Variants in PLCL2 observed in about 807,000 individuals in gnomAD.
PLCL2 encodes the protein phospholipase C like 2.
Under a neutral mutation model 79.6 loss-of-function variants are expected in PLCL2, and 4 were observed. The observed-to-expected ratio is 0.05, with a 90% CI of 0.02 to 0.11. The LOEUF (loss-of-function observed/expected upper bound fraction) is 0.11. Among genes scored for constraint, PLCL2 ranks in the 10% least tolerant of loss-of-function variants. The pLI, the probability that PLCL2 is intolerant of heterozygous loss-of-function variation, is 1.00. For synonymous variants in PLCL2, 484 were observed against 457.7 expected (o/e 1.06, Z -0.73); for missense variants, 895 against 1,291.0 (o/e 0.69, Z 4.70).
At chr3:16,987,630 A>T (rs1458711832) in intron 1 of PLCL2, among the ~76,000 whole-genome samples, 1 of 152,146 alleles carries the variant, frequency 6.6e-6, no homozygotes, top group African/African-American at 2.4e-5. Flanking sequence ...ACTAAATAAG[A>T]TTCAAAATAT....
intron 5 of PLCL2, among the ~76,000 whole-genome samples, chr3:17,084,499 C>T (rs1168037469): frequency 6.6e-6 from 1 of 152,184 alleles, no homozygotes; most frequent in Non-Finnish European, 1.5e-5. Context: ...AGACCAGTAT[C>T]TCTCATCAAC....
At chr3:17,027,490 A>G (rs993806866) in intron 3 of PLCL2, among the ~76,000 whole-genome samples, 1 of 152,192 alleles carries the variant, frequency 6.6e-6, no homozygotes, top group Non-Finnish European at 1.5e-5. Flanking sequence ...GCAGCCTACA[A>G]TGTTTACTGT....
chr3:16,972,688 A>G (rs1026413601), intron 1 of PLCL2, among the ~76,000 whole-genome samples: 2 of 152,116 alleles, frequency 1.3e-5, no homozygotes, highest in Non-Finnish European at 2.9e-5. Flanking sequence ...TGTTGGGTGC[A>G]TATATATTTA....
intron 1 of PLCL2, among the ~76,000 whole-genome samples, chr3:16,973,625 C>T (rs1353722466): frequency 2.0e-5 from 3 of 152,126 alleles, no homozygotes; most frequent in Admixed American, 1.3e-4. Flanking sequence ...ACAGTGTGAT[C>T]AGGAAGAATC....
chr3:16,940,648 T>TTAAAA (rs533344775), intron 1 of PLCL2, among the ~76,000 whole-genome samples: 24 of 151,926 alleles, frequency 1.6e-4, no homozygotes, highest in South Asian at 6.2e-4. Context: ...GTTGGAAAAA[T>TTAAAA]TAAAATAAAA....
chr3:16,969,726 G>A (rs6781611), intron 1 of PLCL2, among the ~76,000 whole-genome samples: 91,277 of 151,644 alleles, frequency 0.6, 27,928 homozygotes, highest in African/African-American at 0.71. Flanking sequence ...TATGTTTTTC[G>A]TGTCTCATTT....
chr3:16,959,744 T>C (rs1441035), intron 1 of PLCL2, among the ~76,000 whole-genome samples: 91,387 of 152,066 alleles, frequency 0.6, 27,933 homozygotes, highest in African/African-American at 0.71. Flanking sequence ...CATCTGTGTT[T>C]AGAACTTTTT....
At chr3:17,050,764 C>T (rs926292705) in intron 4 of PLCL2, among the ~76,000 whole-genome samples, 27 of 152,214 alleles carry the variant, frequency 1.8e-4, no homozygotes, top group Admixed American at 1.8e-3. Context: ...AAAAATAGAG[C>T]TACCATATGA....
rs2065254486 is a variant in PLCL2, at chr3:17,089,726, G to A, written c.3205-7G>A. 1 of 1,559,108 alleles carries A rather than the reference G, an allele frequency of 6.4e-7. No homozygotes were observed. Among genetic ancestry groups the A allele is most frequent in the East Asian group, 2.2e-5 (1 of 44,556 alleles). On this transcript the variant is annotated splice_polypyrimidine_tract_variant and splice_region_variant and intron_variant, in intron 5 of 5. Transcript: ENST00000615277. ...CTAATACTGTTTAATTGCATGTTTT[G>A]TTATAGGGACAAGCAGATCTTTTGA...
chr3:16,919,956 T>C (rs1437511463), intron 1 of PLCL2, among the ~76,000 whole-genome samples: 1 of 152,204 alleles, frequency 6.6e-6, no homozygotes, highest in Non-Finnish European at 1.5e-5. Flanking sequence ...TATCCATATA[T>C]ATACCACATA....
intron 1 of PLCL2, among the ~76,000 whole-genome samples, chr3:17,005,070 G>T (rs2064247851): frequency 6.6e-6 from 1 of 152,020 alleles, no homozygotes; most frequent in Admixed American, 6.6e-5. Context: ...ATTGAATCTG[G>T]ATATTGAAAC....
At chr3:16,929,233 A>C (rs1171144472) in intron 1 of PLCL2, among the ~76,000 whole-genome samples, 1 of 152,028 alleles carries the variant, frequency 6.6e-6, no homozygotes, top group African/African-American at 2.4e-5. Flanking sequence ...GAGGAAAGAA[A>C]CTGCTCTGCA....
chr3:17,018,248 G>A (rs1341296746), intron 3 of PLCL2, among the ~76,000 whole-genome samples: 2 of 152,118 alleles, frequency 1.3e-5, no homozygotes, highest in African/African-American at 4.8e-5. Context: ...CCAATGGTGA[G>A]CAAGGGCCCT....
At position 16,928,716 on chromosome 3, in the gene PLCL2, T is replaced by C. The variant is rs140904702; in HGVS notation, c.327+43350T>C. Among the ~76,000 whole-genome samples the C allele has an allele frequency of 5.3e-3, 802 of 152,350 alleles. 7 individuals carry two copies. The highest frequency in any genetic ancestry group is 0.018 in the African/African-American group (747 of 41,582). ...GGCTCAATTTATAAAAGCAGTATAA[T>C]TGTAAAGCCTACTTCATCTACTTGT... On this transcript the variant is annotated intron_variant, in intron 1 of 5. Coordinates refer to ENST00000615277, the MANE Select transcript of PLCL2 (RefSeq NM_001144382.2).
At chr3:16,926,296 C>A (rs1234689080) in intron 1 of PLCL2, among the ~76,000 whole-genome samples, 1 of 152,132 alleles carries the variant, frequency 6.6e-6, no homozygotes, top group Non-Finnish European at 1.5e-5. Context: ...CAAGGGCTGG[C>A]TTTACTACTT....
Position 16,947,078 on chromosome 3 carries a change from C to T in PLCL2, c.327+61712C>T, listed in dbSNP as rs2063609340. Among the ~76,000 whole-genome samples, 4 of 150,870 alleles carry T rather than the reference C, an allele frequency of 2.7e-5. No homozygotes were observed. The South Asian group carries it at 8.4e-4, about 32-fold the overall frequency. ...TCAGGTGATCCTCCCACCTCAGCCT[C>T]CCAAGTAGCTTGGACCACAGGCACA... is the stretch of plus-strand genomic sequence containing the variant. On this transcript the variant is annotated intron_variant, in intron 1 of 5. Coordinates refer to ENST00000615277, the MANE Select transcript of PLCL2 (RefSeq NM_001144382.2).
intron 3 of PLCL2, among the ~76,000 whole-genome samples, chr3:17,030,489 C>T (rs1360737000): frequency 6.6e-6 from 1 of 152,172 alleles, no homozygotes; most frequent in African/African-American, 2.4e-5. Flanking sequence ...AGCATGATTA[C>T]TCCATTTCAT....
chr3:16,951,449 CTT>C (rs2063651300), intron 1 of PLCL2, among the ~76,000 whole-genome samples: 1 of 151,914 alleles, frequency 6.6e-6, no homozygotes, highest in South Asian at 2.1e-4. Flanking sequence ...GCTTAGGTGT[CTT>C]TGAAATCACC....
intron 1 of PLCL2, among the ~76,000 whole-genome samples, chr3:16,999,022 A>G (rs1483135174): frequency 6.6e-6 from 1 of 151,786 alleles, no homozygotes; most frequent in African/African-American, 2.4e-5. Context: ...TCATTTGATC[A>G]TTTTTTAGAT....
Sources: allele counts gnomAD v4.1 joint callset (sites outside exome capture counted in the v4.1 genomes callset), GRCh38; gene constraint gnomAD v4.1.1; transcripts MANE v1.5; gene names NCBI Gene and HGNC (gene_info 2026-07-23, HGNC 2026-07-21).